The following TUSC3 variants were observed in gnomAD, a reference collection of about 807,000 sequenced individuals.
The protein encoded by TUSC3 is tumor suppressor candidate 3.
Under a neutral mutation model 44.8 loss-of-function variants are expected in TUSC3, and 45 were observed. The observed-to-expected ratio is 1.00, with a 90% CI of 0.79 to 1.29. The LOEUF is 1.29. TUSC3 is among the 50% of genes most tolerant of loss of function. TUSC3 has a pLI of 0.00. For missense variants in TUSC3, 519 were observed against 437.9 expected, an observed-to-expected ratio of 1.19 and a Z score of -1.65; for synonymous variants, 212 against 152.9, an observed-to-expected ratio of 1.39 and a Z score of -2.85.
At chr8:15,425,538 C>T (rs1453306060) in intron 1 of TUSC3, among the ~76,000 whole-genome samples, 2 of 152,106 alleles carry the variant, frequency 1.3e-5, no homozygotes, top group Non-Finnish European at 2.9e-5. Flanking sequence ...TGTATGTTGC[C>T]TGAAAAACCC....
rs776775714 is a variant in TUSC3 at position 15,748,355 on chromosome 8, T to A, written c.938-20T>A. 1.3e-6 allele frequency: 2 copies of A among 1,568,242 alleles called. No homozygotes were observed. The highest frequency in any genetic ancestry group is 4.5e-5 in the East Asian group (2 of 44,556). ...TTTGCATATTTTTAGACACTAATGG[T>A]ATTTTCTGTCTGTTTCTAGTAATTT... is the stretch of plus-strand genomic sequence containing the variant. On this transcript the variant is annotated intron_variant, in intron 8 of 10. Transcript: ENST00000503731.
At chr8:15,464,338 G>C (rs1416842529) in intron 1 of TUSC3, among the ~76,000 whole-genome samples, 1 of 152,114 alleles carries the variant, frequency 6.6e-6, no homozygotes, top group East Asian at 1.9e-4. Context: ...ATAACCATAT[G>C]GTTATACACA....
intron 6 of TUSC3, among the ~76,000 whole-genome samples, chr8:15,707,084 AC>A (rs1448498159): frequency 6.6e-6 from 1 of 151,926 alleles, no homozygotes; most frequent in Non-Finnish European, 1.5e-5. Context: ...AAGCTTTATC[AC>A]CATGGGTTAG....
At chr8:15,518,034 C>T (rs753798198) in intron 2 of TUSC3, among the ~76,000 whole-genome samples, 1 of 151,944 alleles carries the variant, frequency 6.6e-6, no homozygotes, top group East Asian at 1.9e-4. Context: ...CCTCCTTACC[C>T]CTTTTGCCAG....
chr8:15,605,624 A>G (rs183706042), intron 1 of TUSC3, among the ~76,000 whole-genome samples: 97 of 152,046 alleles, frequency 6.4e-4, no homozygotes, highest in African/African-American at 2.2e-3. Flanking sequence ...AAAATGGAGA[A>G]AAAAGTCTGT....
intron 1 of TUSC3, among the ~76,000 whole-genome samples, chr8:15,449,329 G>A (rs77115418): frequency 0.031 from 4,787 of 152,238 alleles, 269 homozygotes; most frequent in African/African-American, 0.11. Context: ...AAAAATGGCC[G>A]TGTTAGCATG....
intron 2 of TUSC3, among the ~76,000 whole-genome samples, chr8:15,636,411 G>C (rs1806078538): frequency 6.6e-6 from 1 of 152,072 alleles, no homozygotes. Context: ...TTTCCACAAG[G>C]AAAGCCTGGT....
the TUSC3 span, among the ~76,000 whole-genome samples, chr8:15,837,172 C>G: frequency 2.6e-5 from 4 of 151,960 alleles, no homozygotes; most frequent in African/African-American, 9.7e-5. Flanking sequence ...TATTTTAAAT[C>G]AAACGATAAT....
chr8:15,445,515 G>T (rs987885326), intron 1 of TUSC3, among the ~76,000 whole-genome samples: 12 of 152,084 alleles, frequency 7.9e-5, no homozygotes, highest in Non-Finnish European at 1.3e-4. Flanking sequence ...GAGTGGTGAT[G>T]ACTCTTAACG....
At chr8:15,772,253 C>T in the TUSC3 span, among the ~76,000 whole-genome samples, 102 of 152,056 alleles carry the variant, frequency 6.7e-4, no homozygotes, top group East Asian at 0.013. Flanking sequence ...TCAATGAAAC[C>T]GAAAGTTGGT....
chr8:15,452,001 T>C (rs1030346760), intron 1 of TUSC3, among the ~76,000 whole-genome samples: 2 of 152,152 alleles, frequency 1.3e-5, no homozygotes, highest in African/African-American at 4.8e-5. Context: ...AAAAGAGTGA[T>C]GATGTCTTAC....
At chr8:15,515,500 G>A (rs1488261041) in intron 2 of TUSC3, among the ~76,000 whole-genome samples, 3 of 151,942 alleles carry the variant, frequency 2.0e-5, no homozygotes, top group African/African-American at 7.3e-5. Flanking sequence ...AATGACTGAC[G>A]GTAGCAAATT....
intron 1 of TUSC3, among the ~76,000 whole-genome samples, chr8:15,564,854 G>T (rs576631299): frequency 6.6e-6 from 1 of 152,158 alleles, no homozygotes; most frequent in African/African-American, 2.4e-5. Context: ...AAGCTTCCCC[G>T]TGTGGTTCTG....
chr8:15,494,170 G>T lies in TUSC3; in HGVS notation n.189+10687G>T, dbSNP rs4831728. On this transcript the variant is annotated intron_variant and non_coding_transcript_variant, in intron 2 of 5. Transcript: ENST00000503191. Reference sequence around the variant, plus strand: ...GTTTCGAGTTGTCTTTCCATTGTCAGATACAGTCGATGAAATATGGATCTG... The same window carrying T: ...GTTTCGAGTTGTCTTTCCATTGTCATATACAGTCGATGAAATATGGATCTG... Among the ~76,000 whole-genome samples the T allele has an allele frequency of 4.9e-3, 740 of 152,180 alleles. 4 individuals are homozygous for T. Among genetic ancestry groups the T allele is most frequent in the Middle Eastern group, 0.024 (7 of 294 alleles).
intron 1 of TUSC3, among the ~76,000 whole-genome samples, chr8:15,559,783 T>C (rs1349756197): frequency 9.5e-6 from 1 of 104,858 alleles, no homozygotes; most frequent in Non-Finnish European, 2.0e-5. Context: ...CTTTTGATCT[T>C]TGTTGGTTTA....
At chr8:15,495,760 C>T (rs935437177) in intron 2 of TUSC3, among the ~76,000 whole-genome samples, 6 of 152,082 alleles carry the variant, frequency 3.9e-5, no homozygotes, top group African/African-American at 1.4e-4. Flanking sequence ...CAAAAACTGG[C>T]AAAGGTATAG....
At chr8:15,737,244 T>C (rs1388146604) in intron 7 of TUSC3, among the ~76,000 whole-genome samples, 4 of 152,172 alleles carry the variant, frequency 2.6e-5, no homozygotes, top group African/African-American at 7.2e-5. Context: ...AAGTCTTCTA[T>C]AATGTGCTAA....
chr8:15,428,300 C>T (rs112399358), intron 1 of TUSC3, among the ~76,000 whole-genome samples: 20,841 of 151,826 alleles, frequency 0.14, 1,528 homozygotes, highest in Middle Eastern at 0.21. Flanking sequence ...GACATGAACT[C>T]ATCCTTTTTT....
At chr8:15,740,692 T>TAACA (rs1279652310) in intron 7 of TUSC3, among the ~76,000 whole-genome samples, 1 of 152,152 alleles carries the variant, frequency 6.6e-6, no homozygotes, top group Non-Finnish European at 1.5e-5. Flanking sequence ...AAACTTGAAC[T>TAACA]AACATTGCTC....
Sources: gnomAD v4.1 joint callset for allele counts (sites outside exome capture counted in the v4.1 genomes callset) on GRCh38, gnomAD v4.1.1 for gene constraint, MANE v1.5 for transcripts, NCBI Gene and HGNC (gene_info 2026-07-23, HGNC 2026-07-21) for gene names.